Variants in SHISA9 observed in about 807,000 individuals in gnomAD.
The protein encoded by SHISA9 is protein shisa-9.
SHISA9 carries 13 observed loss-of-function variants against 38.0 expected under a neutral mutation model. That is an observed-to-expected ratio of 0.34 (90% CI 0.22 to 0.54). The LOEUF (loss-of-function observed/expected upper bound fraction) is 0.54, where lower values mean the gene tolerates loss of function less well. Among genes scored for constraint, SHISA9 ranks in the 20% least tolerant of loss-of-function variants. The pLI, the probability that SHISA9 is intolerant of heterozygous loss-of-function variation, is 0.91. For missense variants in SHISA9, 538 were observed against 575.8 expected, an observed-to-expected ratio of 0.93 and a Z score of 0.67; for synonymous variants, 275 against 242.0, an observed-to-expected ratio of 1.14 and a Z score of -1.27.
chr16:13,048,062 A>C (rs2073207470), intron 2 of SHISA9, among the ~76,000 whole-genome samples: 1 of 152,152 alleles, frequency 6.6e-6, no homozygotes, highest in African/African-American at 2.4e-5. Flanking sequence ...AGGCCTTCTG[A>C]AGGATATTAT....
chr16:13,260,007 C>CTCTTTTTTTTTTT, the SHISA9 span, among the ~76,000 whole-genome samples: 25 of 60,448 alleles, frequency 4.1e-4, no homozygotes, highest in South Asian at 7.5e-4. Flanking sequence ...TTCTTTCTTT[C>CTCTTTTTTTTTTT]TTTTTTTTTT....
At chr16:12,938,640 G>A (rs572208847) in intron 2 of SHISA9, among the ~76,000 whole-genome samples, 3 of 151,960 alleles carry the variant, frequency 2.0e-5, no homozygotes, top group South Asian at 2.1e-4. Flanking sequence ...TGGGATTACC[G>A]GCACCTGCCA....
At chr16:13,498,874 G>A in the SHISA9 span, among the ~76,000 whole-genome samples, 2 of 152,234 alleles carry the variant, frequency 1.3e-5, no homozygotes, top group African/African-American at 4.8e-5. Context: ...AAGGAAAGGG[G>A]AGAAGTCAGT....
chr16:13,352,897 T>C, the SHISA9 span, among the ~76,000 whole-genome samples: 7 of 152,142 alleles, frequency 4.6e-5, no homozygotes, highest in African/African-American at 1.7e-4. Context: ...CCATTTACAC[T>C]TCTTTTGTGG....
chr16:13,259,433 A>G, the SHISA9 span, among the ~76,000 whole-genome samples: 2 of 152,172 alleles, frequency 1.3e-5, no homozygotes, highest in Non-Finnish European at 1.5e-5. Flanking sequence ...ACACTGGAAG[A>G]TGGTGGCCCT....
At chr16:13,475,551 T>C in the SHISA9 span, among the ~76,000 whole-genome samples, 4 of 152,216 alleles carry the variant, frequency 2.6e-5, no homozygotes, top group Non-Finnish European at 5.9e-5. Context: ...AATAGTCCCA[T>C]AGACCAATAG....
chr16:13,369,107 A>C, the SHISA9 span, among the ~76,000 whole-genome samples: 1 of 152,218 alleles, frequency 6.6e-6, no homozygotes. Context: ...TAAAATGTCA[A>C]ATTTAAAAAA....
At chr16:13,513,836 T>G in the SHISA9 span, among the ~76,000 whole-genome samples, 10 of 152,002 alleles carry the variant, frequency 6.6e-5, no homozygotes, top group Admixed American at 6.6e-4. Context: ...GGGCCTGTTG[T>G]GGCAAAGGGA....
chr16:13,400,749 G>T, the SHISA9 span, among the ~76,000 whole-genome samples: 4 of 152,200 alleles, frequency 2.6e-5, no homozygotes, highest in African/African-American at 9.7e-5. Flanking sequence ...ACAACCAGTT[G>T]TTGGATCACA....
chr16:13,274,509 A>G, the SHISA9 span, among the ~76,000 whole-genome samples: 3 of 152,180 alleles, frequency 2.0e-5, no homozygotes, highest in Non-Finnish European at 2.9e-5. Flanking sequence ...ATGCTTATAA[A>G]TGGTTTAATT....
At chr16:13,084,056 C>G (rs530570453) in intron 2 of SHISA9, among the ~76,000 whole-genome samples, 1 of 152,132 alleles carries the variant, frequency 6.6e-6, no homozygotes, top group South Asian at 2.1e-4. Context: ...AGGCAAATTT[C>G]TTGCCTCTTG....
At chr16:12,911,896 T>G (rs562325018) in intron 1 of SHISA9, among the ~76,000 whole-genome samples, 1 of 152,380 alleles carries the variant, frequency 6.6e-6, no homozygotes, top group African/African-American at 2.4e-5. Context: ...CAAGAGTAAT[T>G]GCAGTTTTTG....
intron 2 of SHISA9, among the ~76,000 whole-genome samples, chr16:12,925,819 T>C (rs2071386674): frequency 6.6e-6 from 1 of 152,228 alleles, no homozygotes; most frequent in African/African-American, 2.4e-5. Flanking sequence ...TAGTGTGGAT[T>C]GAAAGGAGTA....
chr16:13,329,879 A>G, the SHISA9 span, among the ~76,000 whole-genome samples: 1 of 152,238 alleles, frequency 6.6e-6, no homozygotes, highest in Non-Finnish European at 1.5e-5. Context: ...ATGGTTCTTA[A>G]GGATAGTTTT....
chr16:13,311,886 G>C, the SHISA9 span, among the ~76,000 whole-genome samples: 1 of 152,128 alleles, frequency 6.6e-6, no homozygotes, highest in East Asian at 1.9e-4. Flanking sequence ...TAGGATTGCT[G>C]TGAAAATTAA....
intron 2 of SHISA9, among the ~76,000 whole-genome samples, chr16:13,070,249 C>G (rs1466969023): frequency 1.3e-5 from 2 of 152,064 alleles, no homozygotes; most frequent in Admixed American, 6.6e-5. Context: ...CCGTGCCCCT[C>G]ATGTTGCTCT....
the SHISA9 span, among the ~76,000 whole-genome samples, chr16:13,321,584 G>C: frequency 6.6e-6 from 1 of 152,214 alleles, no homozygotes; most frequent in Non-Finnish European, 1.5e-5. Flanking sequence ...GTACAAAGGA[G>C]AGGAACACAC....
At chr16:13,058,636 C>T (rs146001584) in intron 2 of SHISA9, among the ~76,000 whole-genome samples, 2 of 152,252 alleles carry the variant, frequency 1.3e-5, no homozygotes, top group Non-Finnish European at 2.9e-5. Flanking sequence ...ACTCCAAGCC[C>T]AATGTAAGGG....
At chr16:13,301,247 A>C in the SHISA9 span, among the ~76,000 whole-genome samples, 1 of 152,110 alleles carries the variant, frequency 6.6e-6, no homozygotes, top group Non-Finnish European at 1.5e-5. Flanking sequence ...TGGAAAGGAG[A>C]CGAGATTCAC....
Sources: allele counts gnomAD v4.1 joint callset (sites outside exome capture counted in the v4.1 genomes callset), GRCh38; gene constraint gnomAD v4.1.1; transcripts MANE v1.5; gene names NCBI Gene and HGNC (gene_info 2026-07-23, HGNC 2026-07-21).